CAPN15: variants seen among roughly 807,000 people sequenced by gnomAD.
CAPN15 encodes the protein calpain-15.
A neutral mutation model predicts 97.9 loss-of-function variants in CAPN15; 53 were observed. The ratio of observed to expected loss-of-function variants is 0.54; its 90% CI spans 0.43 to 0.68. The LOEUF (loss-of-function observed/expected upper bound fraction) is 0.68. Among genes scored for constraint, CAPN15 ranks in the 30% least tolerant of loss-of-function variants. The pLI is 0.00. For missense variants in CAPN15, 1,592 were observed against 1,589.8 expected, an observed-to-expected ratio of 1.00 and a Z score of -0.02; for synonymous variants, 922 against 722.5, an observed-to-expected ratio of 1.28 and a Z score of -4.43.
chr16:547,854 C>A lies in CAPN15; in HGVS notation c.1016C>A (p.Pro339His). Residue 339 changes from proline to histidine, a missense_variant, in exon 4 of 14, where the codon CCC (proline) becomes CAC (histidine). This residue lies in a region of CAPN15 where 883 missense variants were observed against 776.6 expected (regional missense o/e 1.14). Coordinates refer to ENST00000219611, the MANE Select transcript of CAPN15 (RefSeq NM_005632.3). The stretch of plus-strand genomic sequence containing the variant: ...TACACGCCCGCCAGCCCCTCCAGCC[C>A]CGACTTCACCACCTGGTCATGTGCC... ...VRYTPASPSS[P>H]DFTTWSCAKC... The A allele has an allele frequency of 6.2e-7, 1 of 1,611,530 alleles. No homozygotes were observed.
At chr16:537,457 T>G in intron 3 of CAPN15, 2 of 985,344 alleles carry the variant, frequency 2.0e-6, no homozygotes, top group Non-Finnish European at 2.4e-6. Flanking sequence ...GGTGGGTGAG[T>G]GGCGAAGGAG....
rs1452976311 is a variant in CAPN15 at position 551,402 on chromosome 16, G to A, written c.2167G>A (p.Asp723Asn). The change falls in exon 8 of 14, where the codon GAT becomes AAT. Residue 723 changes from aspartate to asparagine, a missense_variant. Physicochemically the swap from Asp to Asn is conservative, Grantham distance 23 (BLOSUM62 1). Around this residue, in one of 3 missense-constraint regions of CAPN15, gnomAD observed 644 missense variants for 699.6 expected, o/e 0.92. Coordinates refer to ENST00000219611, the MANE Select transcript of CAPN15 (RefSeq NM_005632.3). ...LRPRHAYSILDVRDVQGTRLL... is the reference protein window; with the variant it reads ...LRPRHAYSILNVRDVQGTRLL... ...CCCCCGGCATGCCTACTCCATCCTG[G>A]ATGTCCGAGATGTCCAGGGCACCAG... 1 of 1,609,220 alleles carries A rather than the reference G, an allele frequency of 6.2e-7. No homozygotes were observed. Among genetic ancestry groups the A allele is most frequent in the South Asian group, 1.1e-5 (1 of 90,892 alleles).
chr16:537,282 A>C (rs2033800953), intron 3 of CAPN15: 1 of 985,418 alleles, frequency 1.0e-6, no homozygotes, highest in Admixed American at 6.1e-5. Flanking sequence ...GAGTGAGCGC[A>C]GGGGAGCAGG....
At chr16:534,995 T>G (rs937573726) in intron 2 of CAPN15, among the ~76,000 whole-genome samples, 5 of 151,924 alleles carry the variant, frequency 3.3e-5, no homozygotes, top group Admixed American at 1.3e-4. Context: ...TGTACATGAT[T>G]AGTTAGCGAG....
Position 548,213 on chromosome 16 carries a change from G to T in CAPN15, c.1375G>T (p.Val459Leu), listed in dbSNP as rs1329705792. ...APLRRRESMH[V>L]EQRRQTDEGE... Reference sequence around the variant, plus strand: ...CCTGAGGCGCAGGGAGAGCATGCACGTGGAGCAGCGGCGGCAGACAGACGA... The same window carrying T: ...CCTGAGGCGCAGGGAGAGCATGCACTTGGAGCAGCGGCGGCAGACAGACGA... The change falls in exon 4 of 14, where the codon GTG (valine) becomes TTG (leucine). Residue 459 changes from valine (V) to leucine (L), a missense_variant. Coordinates refer to ENST00000219611, the MANE Select transcript of CAPN15 (RefSeq NM_005632.3). The T allele has an allele frequency of 6.5e-7, 1 of 1,549,244 alleles. No homozygotes were observed. The highest frequency in any genetic ancestry group is 8.7e-7 in the Non-Finnish European group (1 of 1,148,214).
intron 5 of CAPN15, 41 bp downstream of exon 5, chr16:549,242 G>GT: frequency 3.3e-6 from 1 of 298,896 alleles, no homozygotes; most frequent in South Asian, 2.4e-5. Flanking sequence ...GGGTGGGCGG[G>GT]CGACCGGCCG....
chr16:542,445 G>T (rs193180487), intron 3 of CAPN15, among the ~76,000 whole-genome samples: 1 of 152,142 alleles, frequency 6.6e-6, no homozygotes, highest in African/African-American at 2.4e-5. Context: ...AGCTCCTGCC[G>T]TTGTCTGTCC....
chr16:553,112 AACTCGTGCCC>A (rs1352356484), intron 13 of CAPN15, 71 bp downstream of exon 13: 3 of 497,966 alleles, frequency 6.0e-6, no homozygotes, highest in Non-Finnish European at 5.6e-6. Context: ...ACCCACACCC[AACTCGTGCCC>A]CCCCACCCCT....
Position 547,405 on chromosome 16 carries a change from C to T in CAPN15, c.567C>T (p.Ala189=). Residue 189 remains alanine, a synonymous_variant, in exon 4 of 14, where the codon GCC becomes GCT. Coordinates refer to ENST00000219611, the MANE Select transcript of CAPN15 (RefSeq NM_005632.3). ...CCCTGGTGGTCCCGGAAGTGGTGGC[C>T]CCGGCCGGCTTCCACGTCGTGCCTG... is the stretch of plus-strand genomic sequence containing the variant. The part of the protein sequence containing the change: ...PEALVVPEVV[A]PAGFHVVPAA... 6.4e-7 allele frequency: 1 copy of T among 1,566,740 alleles called. No individual in the cohort carries two copies. The highest frequency in any genetic ancestry group is 8.6e-7 in the Non-Finnish European group (1 of 1,163,766).
intron 4 of CAPN15, 88 bp downstream of exon 4, chr16:548,375 G>A: frequency 7.7e-7 from 1 of 1,299,550 alleles, no homozygotes; most frequent in Non-Finnish European, 1.0e-6. Context: ...CGATGGGCTG[G>A]GGAGGAGCCC....
chr16:551,188 C>T, intron 7 of CAPN15, 114 bp from the exon 8 acceptor site: 2 of 1,463,610 alleles, frequency 1.4e-6, no homozygotes, highest in South Asian at 2.7e-5. Context: ...CGGTGAGGGC[C>T]CCGGTCGGTG....
intron 9 of CAPN15, 88 bp downstream of exon 9, chr16:551,752 G>C (rs2035096325): frequency 2.0e-6 from 3 of 1,525,812 alleles, no homozygotes; most frequent in Non-Finnish European, 2.7e-6. Context: ...CCCTCCTGCT[G>C]ACCTGGGGTG....
At chr16:534,653 C>CCCGG (rs1157767222) in intron 2 of CAPN15, among the ~76,000 whole-genome samples, 1 of 152,216 alleles carries the variant, frequency 6.6e-6, no homozygotes, top group African/African-American at 2.4e-5. Context: ...TGAGCTTCGT[C>CCCGG]CCGGTAGTGG....
At position 549,684 on chromosome 16, in the gene CAPN15, G is replaced by A; in HGVS notation, c.1912G>A (p.Ala638Thr). ...GGCCAAGCTGCACGGCTCCTACTTT[G>A]CGCTCCAGGCGGGCCGCGCCATCGA... ...ALAKLHGSYF[A>T]LQAGRAIEGL... The change falls in exon 7 of 14, where the codon GCG becomes ACG. Residue 638 changes from alanine (A) to threonine (T), a missense_variant. Transcript: ENST00000219611. 2 of 1,562,912 alleles carry A rather than the reference G, an allele frequency of 1.3e-6. No individual in the cohort carries two copies. The highest frequency in any genetic ancestry group is 1.7e-6 in the Non-Finnish European group (2 of 1,157,226).
At chr16:546,350 G>A (rs1038900668) in intron 3 of CAPN15, among the ~76,000 whole-genome samples, 4 of 152,264 alleles carry the variant, frequency 2.6e-5, no homozygotes, top group Non-Finnish European at 4.4e-5. Context: ...CGGAGGCTGT[G>A]CTGTGGTGTG....
At position 554,140 on chromosome 16, in the gene CAPN15, C is replaced by G. The variant is rs571610115; in HGVS notation, c.*624C>G. The G allele has an allele frequency of 2.8e-5, 6 of 210,768 alleles. No homozygotes were observed. The highest frequency in any genetic ancestry group is 5.8e-5 in the Non-Finnish European group (6 of 103,996). The allele number at this position is 210,768 out of a possible 1,614,324, so 13.1% of individuals were successfully genotyped here. A position where few individuals can be genotyped will look rare whatever the true frequency, so the allele number is the denominator to read the frequency against. On this transcript the variant is annotated 3_prime_UTR_variant, in exon 14 of 14. Transcript: ENST00000219611. The stretch of plus-strand genomic sequence containing the variant: ...GCCATGACTGGGTGCAGGCGGGCGC[C>G]AGGCCCGCTGTGGGTGGGCACCAGT...
At position 547,564 on chromosome 16, in the gene CAPN15, C is replaced by T. The variant is rs753054325; in HGVS notation, c.726C>T (p.Asn242=). ...FSPFSSTLQN[N]PVPRSRREVP... ...CCTTCTCGTCCACCCTGCAGAACAA[C>T]CCCGTGCCGCGCAGCCGACGCGAGG... Residue 242 remains asparagine, a synonymous_variant, in exon 4 of 14, where the codon AAC becomes AAT. Transcript: ENST00000219611. 1 of 1,590,122 alleles carries T rather than the reference C, an allele frequency of 6.3e-7. No homozygotes were observed. The highest frequency in any genetic ancestry group is 8.5e-7 in the Non-Finnish European group (1 of 1,173,084).
intron 3 of CAPN15, among the ~76,000 whole-genome samples, chr16:542,303 T>C (rs2034175999): frequency 6.6e-6 from 1 of 151,860 alleles, no homozygotes; most frequent in African/African-American, 2.4e-5. Flanking sequence ...TACCTAGGAG[T>C]GGGATTGCTG....
Position 552,978 on chromosome 16 carries a change from G to C in CAPN15, c.3020G>C (p.Ser1007Thr). ...CACGTGCAGTGTGACTGCACCGACAGCTTCAACGTGGTGTCCACACGCGGC... is the reference window on the plus strand; with the variant it reads ...CACGTGCAGTGTGACTGCACCGACACCTTCAACGTGGTGTCCACACGCGGC... ...YLHVQCDCTD[S>T]FNVVSTRGSL... is the part of the protein sequence containing the mutation. The change falls in exon 13 of 14, where the codon AGC becomes ACC. Residue 1007 changes from serine to threonine, a missense_variant. Coordinates refer to ENST00000219611, the MANE Select transcript of CAPN15 (RefSeq NM_005632.3). The surrounding 1 kb of genome is among the most constrained non-coding windows in gnomAD (Gnocchi z 6.4). 1.2e-6 allele frequency: 2 copies of C among 1,611,684 alleles called. No individual in the cohort carries two copies. Among genetic ancestry groups the C allele is most frequent in the Non-Finnish European group, 1.7e-6 (2 of 1,179,338 alleles).
Sources: gnomAD v4.1 joint callset for allele counts (sites outside exome capture counted in the v4.1 genomes callset) on GRCh38, gnomAD v4.1.1 for gene constraint, gnomAD v4.1.1 regional missense constraint, Gnocchi (gnomAD v3.1) non-coding constraint, MANE v1.5 for transcripts, NCBI Gene and HGNC (gene_info 2026-07-23, HGNC 2026-07-21) for gene names.